Variants in GC observed in about 807,000 individuals in gnomAD.
GC encodes the protein GC vitamin D binding protein, also known as vitamin D-binding protein.
In GC, 43 loss-of-function variants were observed where a neutral mutation model predicts 56.7. That is an observed-to-expected ratio of 0.76 (90% CI 0.59 to 0.98). GC has a LOEUF of 0.98. Among genes scored for constraint, GC ranks in the 50% least tolerant of loss-of-function variants. The probability of loss-of-function intolerance (pLI) is 0.00; values close to 1 mark genes in which losing one functional copy is unlikely to be tolerated. For missense variants in GC, 529 were observed against 545.9 expected (o/e 0.97, Z 0.31); for synonymous variants, 216 against 202.7 (o/e 1.07, Z -0.56).
intron 1 of GC, among the ~76,000 whole-genome samples, chr4:71,803,772 G>A (rs1171563120): frequency 1.3e-5 from 2 of 152,278 alleles, no homozygotes; most frequent in Non-Finnish European, 2.9e-5. Flanking sequence ...CTTGACAATC[G>A]AGAAATCACT....
chr4:71,747,289 G>T (rs1272361832), intron 11 of GC, among the ~76,000 whole-genome samples: 1 of 152,144 alleles, frequency 6.6e-6, no homozygotes, highest in Non-Finnish European at 1.5e-5. Context: ...AGAGATCTTG[G>T]TTGGAGGTAG....
chr4:71,766,121 G>A (rs1742147903), intron 3 of GC, among the ~76,000 whole-genome samples: 1 of 152,124 alleles, frequency 6.6e-6, no homozygotes, highest in South Asian at 2.1e-4. Flanking sequence ...GAAATGAGTA[G>A]ACTCTTGATT....
intron 1 of GC, among the ~76,000 whole-genome samples, chr4:71,791,783 A>G (rs1742973682): frequency 6.6e-6 from 1 of 152,096 alleles, no homozygotes; most frequent in South Asian, 2.1e-4. Context: ...TGTCATTTAC[A>G]TTAGGTATTT....
chr4:71,741,789 C>T lies in GC; in HGVS notation c.*107G>A. ...GTAGCTAGAAAAAGTAGAAAGTATC[C>T]TAGTTGTCTTCCCAGAAGCTCAGTG... On this transcript the variant is annotated 3_prime_UTR_variant, in exon 13 of 13. Transcript: ENST00000273951. 1.4e-6 allele frequency: 1 copy of T among 701,826 alleles called. No individual in the cohort carries two copies. The highest frequency in any genetic ancestry group is 1.5e-5 in the South Asian group (1 of 67,198). The allele number at this position is 701,826 out of a possible 1,614,324, so 43.5% of individuals were successfully genotyped here.
intron 6 of GC, 142 bp from the exon 7 acceptor site, chr4:71,758,313 G>T: frequency 3.0e-6 from 2 of 665,814 alleles, no homozygotes; most frequent in South Asian, 1.9e-5. Context: ...TCTGCCATGC[G>T]ATAGATCTTA....
intron 1 of GC, chr4:71,769,654 G>A (rs911857797): frequency 2.4e-5 from 9 of 368,228 alleles, no homozygotes; most frequent in African/African-American, 1.6e-4. Context: ...ACGTAAGTGA[G>A]TCAAATGATA....
upstream of GC, among the ~76,000 whole-genome samples, chr4:71,784,847 G>C (rs917982177): frequency 1.3e-5 from 2 of 151,640 alleles, no homozygotes; most frequent in Non-Finnish European, 3.0e-5. Context: ...CATGTAATTT[G>C]AGAGCTCAGA....
chr4:71,756,548 T>C (rs1472163551), intron 8 of GC, among the ~76,000 whole-genome samples, 164 bp downstream of exon 8: 1 of 152,242 alleles, frequency 6.6e-6, no homozygotes. Context: ...TTTAGTCATT[T>C]ACAATTAATT....
At chr4:71,776,742 G>A (rs1742521140) in intron 1 of GC, among the ~76,000 whole-genome samples, 1 of 151,658 alleles carries the variant, frequency 6.6e-6, no homozygotes, top group Non-Finnish European at 1.5e-5. Context: ...CTATTCCATT[G>A]TGCCCCAGAA....
upstream of GC, among the ~76,000 whole-genome samples, chr4:71,787,890 T>C (rs542641013): frequency 6.6e-6 from 1 of 152,008 alleles, no homozygotes; most frequent in Non-Finnish European, 1.5e-5. Flanking sequence ...CACAGTCTGA[T>C]GGAAGATGTT....
At chr4:71,756,101 A>C (rs1244951003) in intron 8 of GC, among the ~76,000 whole-genome samples, 2 of 51,956 alleles carry the variant, frequency 3.8e-5, no homozygotes, top group Non-Finnish European at 1.7e-4. Flanking sequence ...AATATTGATA[A>C]TGCTAAGAAA....
At chr4:71,780,138 A>T (rs962868217) in intron 1 of GC, among the ~76,000 whole-genome samples, 2 of 152,130 alleles carry the variant, frequency 1.3e-5, no homozygotes, top group Non-Finnish European at 2.9e-5. Context: ...TGGAGAAAGG[A>T]TTCCCTATTT....
chr4:71,762,525 G>A (rs955954985), intron 6 of GC, among the ~76,000 whole-genome samples: 1 of 152,138 alleles, frequency 6.6e-6, no homozygotes, highest in Non-Finnish European at 1.5e-5. Flanking sequence ...TGAAATGTGA[G>A]GACATGAGAT....
intron 12 of GC, 93 bp downstream of exon 12, chr4:71,746,058 A>G: frequency 5.9e-6 from 4 of 680,034 alleles, no homozygotes; most frequent in South Asian, 5.0e-5. Flanking sequence ...AGATAAGAAT[A>G]AATTTATTAA....
intron 1 of GC, among the ~76,000 whole-genome samples, chr4:71,790,638 A>AT (rs1578321324): frequency 6.6e-6 from 1 of 150,948 alleles, no homozygotes; most frequent in African/African-American, 2.4e-5. Flanking sequence ...AATATTTGTG[A>AT]TTTTTAAGCT....
intron 1 of GC, among the ~76,000 whole-genome samples, chr4:71,779,732 G>T (rs899858631): frequency 3.3e-5 from 5 of 151,776 alleles, no homozygotes; most frequent in Non-Finnish European, 7.4e-5. Context: ...ATTACATATT[G>T]GTGACTGCAT....
intron 4 of GC, among the ~76,000 whole-genome samples, chr4:71,764,959 T>A (rs774241086): frequency 6.6e-6 from 1 of 152,202 alleles, no homozygotes; most frequent in Non-Finnish European, 1.5e-5. Flanking sequence ...TTACTTGATG[T>A]AGTAGATGTG....
intron 5 of GC, 75 bp from the exon 6 acceptor site, chr4:71,763,577 C>A: frequency 3.5e-6 from 3 of 855,168 alleles, no homozygotes; most frequent in Non-Finnish European, 5.7e-6. Context: ...AAAATAGGGA[C>A]TATTAATTTC....
At chr4:71,765,134 C>T (rs1742114951) in intron 4 of GC, among the ~76,000 whole-genome samples, 1 of 152,192 alleles carries the variant, frequency 6.6e-6, no homozygotes, top group Admixed American at 6.5e-5. Flanking sequence ...TCAGGGAAAT[C>T]ACCACAGGGG....
Sources: gnomAD v4.1 joint callset for allele counts (sites outside exome capture counted in the v4.1 genomes callset) on GRCh38, gnomAD v4.1.1 for gene constraint, MANE v1.5 for transcripts, NCBI Gene and HGNC (gene_info 2026-07-23, HGNC 2026-07-21) for gene names.